Variants in FHIT observed in about 807,000 individuals in gnomAD.
FHIT encodes the protein fragile histidine triad diadenosine triphosphatase.
Under a neutral mutation model 17.9 loss-of-function variants are expected in FHIT, and 19 were observed. That is an observed-to-expected ratio of 1.06 (90% CI 0.74 to 1.56). The LOEUF (loss-of-function observed/expected upper bound fraction) is 1.56, where lower values mean the gene tolerates loss of function less well. Ranked by LOEUF, FHIT falls within the 40% of genes most tolerant of loss-of-function variation. The probability of loss-of-function intolerance (pLI) is 0.00; values close to 1 mark genes in which losing one functional copy is unlikely to be tolerated. For synonymous variants in FHIT, 81 were observed against 69.7 expected (o/e 1.16, Z -0.81); for missense variants, 248 against 189.2 (o/e 1.31, Z -1.82).
At chr3:60,785,692 T>C (rs1193565168) in intron 4 of FHIT, among the ~76,000 whole-genome samples, 3 of 152,130 alleles carry the variant, frequency 2.0e-5, no homozygotes, top group Non-Finnish European at 4.4e-5. Flanking sequence ...TATTGCTGCA[T>C]CCTGTGGTGG....
chr3:59,857,304 T>C (rs1702198419), intron 8 of FHIT, among the ~76,000 whole-genome samples: 1 of 152,112 alleles, frequency 6.6e-6, no homozygotes, highest in African/African-American at 2.4e-5. Flanking sequence ...TAAGCACTAA[T>C]GAGATCAGAT....
chr3:60,956,477 C>T lies in FHIT; in HGVS notation c.-111+85570G>A, dbSNP rs538211500. On this transcript the variant is annotated intron_variant, in intron 3 of 9. Transcript: ENST00000492590. ...TTTATTGTCCCTACCTTTAGCTGTGCTTTTTCTGCTTTGGCATCGACATGA... is the reference window on the plus strand; with the variant it reads ...TTTATTGTCCCTACCTTTAGCTGTGTTTTTTCTGCTTTGGCATCGACATGA... 3.3e-5 allele frequency among the ~76,000 whole-genome samples: 5 copies of T among 152,302 alleles called. No homozygotes were observed. In the East Asian group the frequency reaches 9.6e-4, roughly 29 times the overall value.
intron 3 of FHIT, among the ~76,000 whole-genome samples, chr3:61,023,669 G>C (rs891155612): frequency 3.3e-5 from 5 of 152,086 alleles, no homozygotes; most frequent in African/African-American, 1.2e-4. Context: ...CAATGAAACA[G>C]AACAGAGGCC....
intron 5 of FHIT, among the ~76,000 whole-genome samples, chr3:60,431,152 A>T (rs1274723874): frequency 6.6e-6 from 1 of 151,914 alleles, no homozygotes; most frequent in East Asian, 1.9e-4. Context: ...CAGAGGCTGC[A>T]GTGAGCTGAG....
intron 8 of FHIT, among the ~76,000 whole-genome samples, chr3:59,864,884 C>CT (rs1369325783): frequency 6.6e-6 from 1 of 151,708 alleles, no homozygotes; most frequent in Non-Finnish European, 1.5e-5. Context: ...AGGCCTAATT[C>CT]TTTCACCTTC....
At chr3:59,864,376 C>T (rs1362420729) in intron 8 of FHIT, among the ~76,000 whole-genome samples, 1 of 152,152 alleles carries the variant, frequency 6.6e-6, no homozygotes, top group Non-Finnish European at 1.5e-5. Context: ...TTGCTGCCAC[C>T]ATGTAAGAAG....
intron 5 of FHIT, among the ~76,000 whole-genome samples, chr3:60,274,919 A>G (rs745394015): frequency 6.6e-6 from 1 of 152,192 alleles, no homozygotes; most frequent in African/African-American, 2.4e-5. Context: ...AAAAAATTCT[A>G]TTTTAATTTT....
intron 8 of FHIT, among the ~76,000 whole-genome samples, chr3:59,778,964 C>A (rs1702452678): frequency 6.6e-6 from 1 of 152,168 alleles, no homozygotes; most frequent in Non-Finnish European, 1.5e-5. Context: ...CTTAACCTGA[C>A]AAAGACTAAC....
At chr3:59,816,274 C>T (rs1700596706) in intron 8 of FHIT, among the ~76,000 whole-genome samples, 1 of 152,184 alleles carries the variant, frequency 6.6e-6, no homozygotes, top group Admixed American at 6.5e-5. Flanking sequence ...TGACACCTGG[C>T]ACACAGTGTA....
intron 5 of FHIT, among the ~76,000 whole-genome samples, chr3:60,064,102 C>A (rs1482186438): frequency 2.0e-5 from 3 of 152,034 alleles, no homozygotes; most frequent in East Asian, 1.9e-4. Flanking sequence ...GGACAAGAGG[C>A]CAGCATGTCA....
chr3:60,105,358 T>C (rs1252616868), intron 5 of FHIT, among the ~76,000 whole-genome samples: 2 of 152,194 alleles, frequency 1.3e-5, no homozygotes, highest in African/African-American at 4.8e-5. Flanking sequence ...TCTCGATAAT[T>C]TTGCATATAA....
chr3:59,752,311 T>C lies in FHIT; in HGVS notation c.359A>G (p.His120Arg), dbSNP rs1246086635. 16 of 1,611,534 alleles carry C rather than the reference T, an allele frequency of 9.9e-6. No individual in the cohort carries two copies. Among genetic ancestry groups the C allele is most frequent in the Non-Finnish European group, 1.4e-5 (16 of 1,179,184 alleles). Reference protein sequence around the residue: ...NDSIYEELQKHDKEDFPASWR... With the variant: ...NDSIYEELQKRDKEDFPASWR... ...AGAGGCAGGAAAGTCCTCCTTGTCATGTTTCTGGAGCTTTGGAGAAAAAAA... is the reference window on the plus strand; with the variant it reads ...AGAGGCAGGAAAGTCCTCCTTGTCACGTTTCTGGAGCTTTGGAGAAAAAAA... The change falls in exon 9 of 10, where the codon CAT becomes CGT. Residue 120 changes from histidine (H) to arginine (R), a missense_variant. Coordinates refer to ENST00000492590, the MANE Select transcript of FHIT (RefSeq NM_002012.4).
chr3:60,545,226 T>G (rs910361500), intron 4 of FHIT, among the ~76,000 whole-genome samples: 1 of 152,188 alleles, frequency 6.6e-6, no homozygotes, highest in Non-Finnish European at 1.5e-5. Context: ...TATTTCGTAT[T>G]GTGTTTATCA....
chr3:60,146,836 T>C (rs1378506987), intron 5 of FHIT, among the ~76,000 whole-genome samples: 2 of 152,104 alleles, frequency 1.3e-5, no homozygotes, highest in Non-Finnish European at 2.9e-5. Context: ...TCCATGGAAA[T>C]CCGGAACAAA....
At chr3:60,411,104 CAT>C (rs1240446886) in intron 5 of FHIT, among the ~76,000 whole-genome samples, 1 of 152,074 alleles carries the variant, frequency 6.6e-6, no homozygotes, top group Non-Finnish European at 1.5e-5. Flanking sequence ...GTTAAATACA[CAT>C]AAAGGATTTC....
chr3:60,458,623 T>C (rs182674937), intron 5 of FHIT, among the ~76,000 whole-genome samples: 2 of 152,108 alleles, frequency 1.3e-5, no homozygotes, highest in Admixed American at 6.6e-5. Flanking sequence ...CACCGTTATA[T>C]ATTTCAGGCA....
intron 2 of FHIT, among the ~76,000 whole-genome samples, chr3:61,081,313 T>TCCAA: frequency 6.6e-6 from 1 of 152,196 alleles, no homozygotes; most frequent in African/African-American, 2.4e-5. Context: ...CTGCCATTCT[T>TCCAA]TCAATTCATT....
rs1439928515 is a variant in FHIT, at chr3:61,036,907, T to TG, written c.-111+5139_-111+5140insC. Among the ~76,000 whole-genome samples the TG allele has an allele frequency of 4.1e-4, 56 of 135,350 alleles. 1 individual carries two copies. The highest frequency in any genetic ancestry group is 8.7e-4 in the Non-Finnish European group (54 of 62,380). The allele number at this position is 135,350 out of a possible 152,430, so 88.8% of individuals were successfully genotyped here. ...TCAAAGATCAGTCTGCTTTGTTTTT[T>TG]TTTTTTGTTTGTTTGTTTTTTTGAG... On this transcript the variant is annotated intron_variant, in intron 3 of 9. Coordinates refer to ENST00000492590, the MANE Select transcript of FHIT (RefSeq NM_002012.4).
chr3:60,395,728 C>G (rs1431116583), intron 5 of FHIT, among the ~76,000 whole-genome samples: 1 of 152,128 alleles, frequency 6.6e-6, no homozygotes, highest in Non-Finnish European at 1.5e-5. Flanking sequence ...GATCAAATTC[C>G]AATTTCAGTT....
Sources: allele counts gnomAD v4.1 joint callset (sites outside exome capture counted in the v4.1 genomes callset), GRCh38; gene constraint gnomAD v4.1.1; transcripts MANE v1.5; gene names NCBI Gene and HGNC (gene_info 2026-07-23, HGNC 2026-07-21).